The following LAMA2 variants were observed in gnomAD, a reference collection of about 807,000 sequenced individuals.
LAMA2 encodes laminin subunit alpha 2.
Under a neutral mutation model 364.8 loss-of-function variants are expected in LAMA2, and 269 were observed. The ratio of observed to expected loss-of-function variants is 0.74; its 90% confidence interval spans 0.67 to 0.82. The LOEUF is 0.82. Ranked by LOEUF, LAMA2 falls within the 40% of genes least tolerant of loss-of-function variation. The pLI, the probability that LAMA2 is intolerant of heterozygous loss-of-function variation, is 0.00. For missense variants in LAMA2, 3,807 were observed against 3,873.2 expected, an observed-to-expected ratio of 0.98 and a Z score of 0.45; for synonymous variants, 1,379 against 1,370.6, an observed-to-expected ratio of 1.01 and a Z score of -0.14.
At chr6:129,292,578 T>C (rs1444607694) in intron 20 of LAMA2, among the ~76,000 whole-genome samples, 2 of 152,206 alleles carry the variant, frequency 1.3e-5, no homozygotes, top group African/African-American at 4.8e-5. Context: ...GCTTTCAGTA[T>C]GGCAAGCAAC....
At chr6:129,265,031 A>G (rs1303297762) in intron 15 of LAMA2, among the ~76,000 whole-genome samples, 1 of 152,176 alleles carries the variant, frequency 6.6e-6, no homozygotes. Context: ...ACACTAGATC[A>G]TATTTTTTTG....
rs868565820 is a variant in LAMA2, at chr6:129,066,047, T to C, written c.396+6151T>C. Among the ~76,000 whole-genome samples the C allele has an allele frequency of 7.5e-4, 61 of 81,872 alleles. 6 individuals are homozygous for C. The highest frequency in any genetic ancestry group is 4.4e-3 in the South Asian group (7 of 1,586). The allele number at this position is 81,872 out of a possible 152,430, so 53.7% of individuals were successfully genotyped here. The stretch of plus-strand genomic sequence containing the variant: ...AATTGCCCAGTCTCAGGTTTTTTTT[T>C]TTTTTTTTTTTTTTTTGAGACGCAG... On this transcript the variant is annotated intron_variant, in intron 3 of 64. Coordinates refer to ENST00000421865, the MANE Select transcript of LAMA2 (RefSeq NM_000426.4).
chr6:129,250,180 A>G lies in LAMA2; in HGVS notation c.1851A>G (p.Thr617=), dbSNP rs1786070757. 5 of 1,605,180 alleles carry G rather than the reference A, an allele frequency of 3.1e-6. No homozygotes were observed. The highest frequency in any genetic ancestry group is 4.3e-6 in the Non-Finnish European group (5 of 1,172,284). Residue 617 remains threonine, a synonymous_variant, in exon 13 of 65, where the codon ACA becomes ACG. Coordinates refer to ENST00000421865, the MANE Select transcript of LAMA2 (RefSeq NM_000426.4). ...SYDLEEEEED[T]ERVLQLMIIL... The stretch of plus-strand genomic sequence containing the variant: ...ACCTTGAAGAAGAGGAAGAAGATAC[A>G]GAACGTGTTCTCCAGCTTATGATTA...
At chr6:129,100,594 A>G (rs1775465734) in intron 4 of LAMA2, among the ~76,000 whole-genome samples, 1 of 152,210 alleles carries the variant, frequency 6.6e-6, no homozygotes, top group South Asian at 2.1e-4. Flanking sequence ...TCTGATTCTC[A>G]GGTAAATATT....
chr6:129,146,063 TAGAAGGAAAAAGAAACAA>T lies in LAMA2; in HGVS notation c.820-890_820-873del, dbSNP rs368552768. Among the ~76,000 whole-genome samples the T allele has an allele frequency of 6.5e-3, 991 of 151,678 alleles. 9 individuals carry two copies. Among genetic ancestry groups the T allele is most frequent in the African/African-American group, 0.022 (931 of 41,402 alleles). ...ACTATATGTATGTAACAAAAACAAA[TAGAAGGAAAAAGAAACAA>T]AGAAGTAAATTGGAAAAAGGGGATT... On this transcript the variant is annotated intron_variant, in intron 5 of 64. Transcript: ENST00000421865.
At chr6:129,492,246 G>A in intron 57 of LAMA2, 69 bp from the exon 58 acceptor site, 3 of 1,522,302 alleles carry the variant, frequency 2.0e-6, no homozygotes, top group South Asian at 1.1e-5. Flanking sequence ...AGGCATGCGG[G>A]GATTGGGCTT....
intron 1 of LAMA2, among the ~76,000 whole-genome samples, chr6:128,962,340 A>G (rs1196995553): frequency 1.3e-5 from 2 of 151,516 alleles, no homozygotes; most frequent in Middle Eastern, 3.4e-3. Flanking sequence ...ACAGAATATG[A>G]TATTACTTTC....
intron 30 of LAMA2, among the ~76,000 whole-genome samples, chr6:129,343,475 T>A (rs1009329251): frequency 1.3e-5 from 2 of 152,182 alleles, no homozygotes; most frequent in African/African-American, 4.8e-5. Context: ...TTAGGTAAGC[T>A]GGATATTGAA....
intron 1 of LAMA2, among the ~76,000 whole-genome samples, chr6:128,935,813 T>A (rs1779779057): frequency 6.6e-6 from 1 of 152,184 alleles, no homozygotes; most frequent in Non-Finnish European, 1.5e-5. Context: ...TGACTAGGAC[T>A]CATAGTACTA....
intron 4 of LAMA2, among the ~76,000 whole-genome samples, chr6:129,118,951 G>T (rs769580000): frequency 6.6e-6 from 1 of 152,158 alleles, no homozygotes; most frequent in Non-Finnish European, 1.5e-5. Flanking sequence ...TGAAAGTTTT[G>T]TTGTAATATT....
In LAMA2 at chr6:129,037,739, T is replaced by A. The variant is rs540985618; in HGVS notation, c.113-12179T>A. 4.0e-5 allele frequency among the ~76,000 whole-genome samples: 6 copies of A among 151,548 alleles called. No homozygotes were observed. The South Asian group carries it at 1.3e-3, about 32-fold the overall frequency. ...GGATGGAGTGCAGTGGCGCGATCTC[T>A]GCTCACTGCAAGCTCCGCCTCCCAG... On this transcript the variant is annotated intron_variant, in intron 1 of 64. Coordinates refer to ENST00000421865, the MANE Select transcript of LAMA2 (RefSeq NM_000426.4).
chr6:129,034,276 T>G (rs1434628441), intron 1 of LAMA2, among the ~76,000 whole-genome samples: 3 of 152,112 alleles, frequency 2.0e-5, no homozygotes, highest in Non-Finnish European at 4.4e-5. Flanking sequence ...TGTAGTCAAC[T>G]CTAATTTATT....
chr6:129,158,619 A>G (rs1370413676), intron 8 of LAMA2: 2 of 1,614,084 alleles, frequency 1.2e-6, no homozygotes, highest in Non-Finnish European at 1.7e-6. Context: ...GGAGAAGATG[A>G]TCATAGCAAT....
chr6:129,111,329 T>G (rs764908816), intron 4 of LAMA2, among the ~76,000 whole-genome samples: 42 of 152,030 alleles, frequency 2.8e-4, no homozygotes, highest in Non-Finnish European at 5.3e-4. Flanking sequence ...TAAATTCTAA[T>G]CAGGGATAAC....
intron 49 of LAMA2, among the ~76,000 whole-genome samples, chr6:129,460,912 A>G (rs1783221005): frequency 6.6e-6 from 1 of 151,978 alleles, no homozygotes; most frequent in Non-Finnish European, 1.5e-5. Context: ...TCCAGGAGGA[A>G]AGTTCCTAAT....
At chr6:128,909,837 G>C (rs531482478) in intron 1 of LAMA2, among the ~76,000 whole-genome samples, 11 of 151,734 alleles carry the variant, frequency 7.2e-5, no homozygotes, top group Admixed American at 5.9e-4. Context: ...GCCTGGTGGT[G>C]ACAAAATCTC....
At chr6:128,898,227 C>T (rs562045190) in intron 1 of LAMA2, among the ~76,000 whole-genome samples, 2 of 152,184 alleles carry the variant, frequency 1.3e-5, no homozygotes, top group South Asian at 4.2e-4. Context: ...TAGAGGTGGT[C>T]ATAGGGTAGT....
At chr6:129,175,087 TTTGGTCTA>T (rs1234758491) in intron 9 of LAMA2, among the ~76,000 whole-genome samples, 27 of 152,344 alleles carry the variant, frequency 1.8e-4, no homozygotes, top group African/African-American at 6.3e-4. Context: ...TTATTTCCCA[TTTGGTCTA>T]TTGGGTAATC....
intron 10 of LAMA2, among the ~76,000 whole-genome samples, chr6:129,178,651 T>TA (rs1371535762): frequency 6.6e-6 from 1 of 152,162 alleles, no homozygotes. Flanking sequence ...AAATGAAAGT[T>TA]ACTACTTTTT....
Sources: gnomAD v4.1 joint callset for allele counts (sites outside exome capture counted in the v4.1 genomes callset) on GRCh38, gnomAD v4.1.1 for gene constraint, MANE v1.5 for transcripts, NCBI Gene and HGNC (gene_info 2026-07-23, HGNC 2026-07-21) for gene names.